LRRC4B: variants seen among roughly 807,000 people sequenced by gnomAD.
LRRC4B encodes the protein leucine-rich repeat-containing protein 4B.
A neutral mutation model predicts 7.3 loss-of-function variants in LRRC4B; 1 was observed. That is an observed-to-expected ratio of 0.14 (90% confidence interval 0.05 to 0.65). The LOEUF (loss-of-function observed/expected upper bound fraction) is 0.65, where lower values mean the gene tolerates loss of function less well. LRRC4B is among the 30% of genes least tolerant of loss of function. The probability of loss-of-function intolerance (pLI) is 0.84; values close to 1 mark genes in which losing one functional copy is unlikely to be tolerated. For synonymous variants in LRRC4B, 500 were observed against 499.2 expected (o/e 1.00, Z -0.02); for missense variants, 730 against 1,041.6 (o/e 0.70, Z 4.12).
chr19:50,544,501 C>T (rs566611864), intron 2 of LRRC4B, among the ~76,000 whole-genome samples: 6 of 141,486 alleles, frequency 4.2e-5, no homozygotes, highest in Admixed American at 7.5e-5. Context: ...AGCGAGACTC[C>T]GTCTCAAAAA....
chr19:50,536,137 CTTT>C (rs36120704), intron 2 of LRRC4B, among the ~76,000 whole-genome samples: 2 of 144,946 alleles, frequency 1.4e-5, no homozygotes, highest in Non-Finnish European at 1.5e-5. Flanking sequence ...GTTTACCTTC[CTTT>C]TTTTTTTTTT....
rs1395813692 is a variant in LRRC4B, at chr19:50,519,041, G to T, written c.672C>A (p.Asn224Lys). The change falls in exon 3 of 3, where the codon AAC becomes AAA. Residue 224 changes from asparagine to lysine, a missense_variant. This residue lies in a region of LRRC4B where 226 missense variants were observed against 448.0 expected (regional missense o/e 0.50). Coordinates refer to ENST00000652263, the MANE Select transcript of LRRC4B (RefSeq NM_001080457.2). This position sits in a 1 kb window ranked among gnomAD's most constrained non-coding sequence, Gnocchi z 8.1. ...CCTCCAGGCGCACCAGGGCCGTCAGGTTGGGGATGTCCTTGAGGTTGCACA... is the reference window on the plus strand; with the variant it reads ...CCTCCAGGCGCACCAGGGCCGTCAGTTTGGGGATGTCCTTGAGGTTGCACA... ...LGMCNLKDIP[N>K]LTALVRLEEL... 1 of 1,610,694 alleles carries T rather than the reference G, an allele frequency of 6.2e-7. No individual in the cohort carries two copies. The highest frequency in any genetic ancestry group is 2.2e-5 in the East Asian group (1 of 44,866).
At chr19:50,557,227 T>C (rs1432574011) in intron 1 of LRRC4B, among the ~76,000 whole-genome samples, 1 of 152,108 alleles carries the variant, frequency 6.6e-6, no homozygotes, top group Non-Finnish European at 1.5e-5. Flanking sequence ...GCTCTTCTTA[T>C]AGATCTGGGG....
At chr19:50,544,616 G>A (rs1429371175) in intron 2 of LRRC4B, among the ~76,000 whole-genome samples, 1 of 152,124 alleles carries the variant, frequency 6.6e-6, no homozygotes, top group Non-Finnish European at 1.5e-5. Context: ...GGGTGGGGAG[G>A]GTGTCCGAAT....
intron 2 of LRRC4B, among the ~76,000 whole-genome samples, chr19:50,547,790 G>T (rs1162787060): frequency 6.6e-6 from 1 of 151,502 alleles, no homozygotes; most frequent in African/African-American, 2.4e-5. Flanking sequence ...TAATAGCACA[G>T]CTCTGTCCCC....
rs1028353377 is a variant in LRRC4B at position 50,563,088 on chromosome 19, C to T, written c.-36+4856G>A. On this transcript the variant is annotated intron_variant, in intron 1 of 2. Coordinates refer to ENST00000652263, the MANE Select transcript of LRRC4B (RefSeq NM_001080457.2). This position sits in a 1 kb window ranked among gnomAD's most constrained non-coding sequence, Gnocchi z 4.9. ...CACCAGGATCCCAGATACTACCAGA[C>T]ACCCCCCATTCTCACTCTCAGCAGC... Among the ~76,000 whole-genome samples, 1 of 152,146 alleles carries T rather than the reference C, an allele frequency of 6.6e-6. No homozygotes were observed. The highest frequency in any genetic ancestry group is 2.1e-4 in the South Asian group (1 of 4,826).
chr19:50,561,692 G>A (rs1179070116), intron 1 of LRRC4B, among the ~76,000 whole-genome samples: 1 of 152,068 alleles, frequency 6.6e-6, no homozygotes, highest in Non-Finnish European at 1.5e-5. Flanking sequence ...CTGTGGTTGT[G>A]CCCCTGCACT....
At chr19:50,564,405 C>T (rs1982561125) in intron 1 of LRRC4B, among the ~76,000 whole-genome samples, 1 of 151,840 alleles carries the variant, frequency 6.6e-6, no homozygotes, top group African/African-American at 2.4e-5. Context: ...GGGAGGCAGA[C>T]AGGCTGGCAG....
At chr19:50,526,621 T>C (rs1980818298) in intron 2 of LRRC4B, among the ~76,000 whole-genome samples, 2 of 152,202 alleles carry the variant, frequency 1.3e-5, no homozygotes, top group African/African-American at 4.8e-5. Flanking sequence ...GGCAGGCAGA[T>C]GACTTGAGGT....
chr19:50,521,360 G>T (rs753824396), intron 2 of LRRC4B, among the ~76,000 whole-genome samples: 1 of 151,852 alleles, frequency 6.6e-6, no homozygotes, highest in African/African-American at 2.4e-5. Flanking sequence ...GACGGAAAGC[G>T]ACTGTTAGGA....
At chr19:50,532,406 CAA>C (rs1194422224) in intron 2 of LRRC4B, among the ~76,000 whole-genome samples, 1 of 152,198 alleles carries the variant, frequency 6.6e-6, no homozygotes, top group African/African-American at 2.4e-5. Flanking sequence ...TCACCCTCGA[CAA>C]AGTGTCAGAG....
chr19:50,517,731 T>C lies in LRRC4B; in HGVS notation c.1982A>G (p.Asn661Ser), dbSNP rs1601365802. 1 of 1,550,122 alleles carries C rather than the reference T, an allele frequency of 6.5e-7. No homozygotes were observed. Among genetic ancestry groups the C allele is most frequent in the Non-Finnish European group, 8.7e-7 (1 of 1,149,828 alleles). The change falls in exon 3 of 3, where the codon AAC (asparagine) becomes AGC (serine). Residue 661 changes from asparagine to serine, a missense_variant. Transcript: ENST00000652263. This position sits in a 1 kb window ranked among gnomAD's most constrained non-coding sequence, Gnocchi z 6.6. ...ALPALERDHL[N>S]HHHYVAAAFK... Reference sequence around the variant, plus strand: ...GGCGGCAGCCACGTAGTGGTGGTGGTTGAGGTGGTCTCGCTCCAGGGCGGG... The same window carrying C: ...GGCGGCAGCCACGTAGTGGTGGTGGCTGAGGTGGTCTCGCTCCAGGGCGGG...
rs1400553886 is a variant in LRRC4B at position 50,517,387 on chromosome 19, G to GC, written c.*183dup. The GC allele has an allele frequency of 2.3e-6, 1 of 444,442 alleles. No individual in the cohort carries two copies. The highest frequency in any genetic ancestry group is 2.0e-5 in the African/African-American group (1 of 49,270). The allele number at this position is 444,442 out of a possible 1,614,324, so 27.5% of individuals were successfully genotyped here. On this transcript the variant is annotated 3_prime_UTR_variant, in exon 3 of 3. Coordinates refer to ENST00000652263, the MANE Select transcript of LRRC4B (RefSeq NM_001080457.2). The surrounding 1 kb of genome is among the most constrained non-coding windows in gnomAD (Gnocchi z 6.6). The stretch of plus-strand genomic sequence containing the variant: ...GGATCCCAGAGACTCCGCTCCTGGA[G>GC]CCCCACCCTGTCCTTACTGGGGGTC...
intron 2 of LRRC4B, among the ~76,000 whole-genome samples, chr19:50,520,762 C>A (rs185731598): frequency 1.3e-3 from 203 of 152,130 alleles, no homozygotes; most frequent in African/African-American, 4.7e-3. Flanking sequence ...CATTGGGAGA[C>A]CCTGTCTCTA....
Position 50,548,665 on chromosome 19 carries a change from G to A in LRRC4B, c.174C>T (p.Pro58=), listed in dbSNP as rs745674287. The A allele has an allele frequency of 1.1e-5, 17 of 1,564,728 alleles. No individual in the cohort carries two copies. Among genetic ancestry groups the A allele is most frequent in the Non-Finnish European group, 8.6e-6 (10 of 1,158,010 alleles). The change falls in exon 2 of 3, where the codon CCC becomes CCT. Residue 58 remains proline (P), a synonymous_variant. Coordinates refer to ENST00000652263, the MANE Select transcript of LRRC4B (RefSeq NM_001080457.2). This position sits in a 1 kb window ranked among gnomAD's most constrained non-coding sequence, Gnocchi z 6.8. ...GGGSPPATSC[P]VACSCSNQAS... is the part of the protein sequence containing the mutation. Reference sequence around the variant, plus strand: ...CCTGGTTGCTGCAGGAGCAGGCCACGGGGCAGGAGGTGGCCGGCGGGGAGC... The same window carrying A: ...CCTGGTTGCTGCAGGAGCAGGCCACAGGGCAGGAGGTGGCCGGCGGGGAGC...
At position 50,517,405 on chromosome 19, in the gene LRRC4B, T is replaced by TG. The variant is rs1313139214; in HGVS notation, c.*165dup. 8 of 507,628 alleles carry TG rather than the reference T, an allele frequency of 1.6e-5. No individual in the cohort carries two copies. The highest frequency in any genetic ancestry group is 6.0e-5 in the African/African-American group (3 of 50,148). 31.4% of individuals were successfully genotyped at this position (507,628 alleles called of 1,614,324 possible). On this transcript the variant is annotated 3_prime_UTR_variant, in exon 3 of 3. Coordinates refer to ENST00000652263, the MANE Select transcript of LRRC4B (RefSeq NM_001080457.2). This position sits in a 1 kb window ranked among gnomAD's most constrained non-coding sequence, Gnocchi z 6.6. ...TCCTGGAGCCCCACCCTGTCCTTAC[T>TG]GGGGGTCCGAGCCCCAGATGGGGCT... is the stretch of plus-strand genomic sequence containing the variant.
intron 2 of LRRC4B, among the ~76,000 whole-genome samples, chr19:50,538,188 G>C (rs1008799272): frequency 1.3e-5 from 2 of 152,098 alleles, no homozygotes; most frequent in African/African-American, 4.8e-5. Flanking sequence ...TCAGCCTCCT[G>C]AGTAGCTAGT....
In LRRC4B at chr19:50,517,887, T is replaced by C. The variant is rs1488051857; in HGVS notation, c.1826A>G (p.His609Arg). ...GATCTCCACGGTGCGCGTGGGCCCG[T>C]GGTGCTTGTGGAGCTGGTGCTGCTT... ...LRKQHQLHKHHGPTRTVEIIN... is the reference protein window; with the variant it reads ...LRKQHQLHKHRGPTRTVEIIN... Residue 609 changes from histidine to arginine, a missense_variant, in exon 3 of 3, where the codon CAC becomes CGC. His to Arg is a conservative substitution (Grantham distance 29). Coordinates refer to ENST00000652263, the MANE Select transcript of LRRC4B (RefSeq NM_001080457.2). The surrounding 1 kb of genome is among the most constrained non-coding windows in gnomAD (Gnocchi z 6.6). 1 of 1,594,818 alleles carries C rather than the reference T, an allele frequency of 6.3e-7. No homozygotes were observed. Among genetic ancestry groups the C allele is most frequent in the Non-Finnish European group, 8.5e-7 (1 of 1,173,678 alleles).
chr19:50,525,700 G>A (rs915361465), intron 2 of LRRC4B, among the ~76,000 whole-genome samples: 3 of 151,340 alleles, frequency 2.0e-5, no homozygotes, highest in South Asian at 2.1e-4. Context: ...GATTACACAC[G>A]TGAGCCACCC....
Sources: allele counts gnomAD v4.1 joint callset (sites outside exome capture counted in the v4.1 genomes callset), GRCh38; gene constraint gnomAD v4.1.1; regional missense constraint gnomAD v4.1.1; non-coding constraint Gnocchi (gnomAD v3.1); transcripts MANE v1.5; gene names NCBI Gene and HGNC (gene_info 2026-07-23, HGNC 2026-07-21).